The following ENTPD5 variants were observed in gnomAD, a reference collection of about 807,000 sequenced individuals.
ENTPD5 encodes the protein nucleoside diphosphate phosphatase ENTPD5.
In ENTPD5, 49 loss-of-function variants were observed where a neutral mutation model predicts 60.2. The observed-to-expected ratio is 0.81, with a 90% confidence interval of 0.65 to 1.03. ENTPD5 has a LOEUF of 1.03. ENTPD5 is among the 50% of genes least tolerant of loss of function. ENTPD5 has a pLI of 0.00. For missense variants in ENTPD5, 480 were observed against 507.6 expected, an observed-to-expected ratio of 0.95 and a Z score of 0.52; for synonymous variants, 187 against 185.4, an observed-to-expected ratio of 1.01 and a Z score of -0.07.
chr14:73,959,081 A>G, downstream of ENTPD5: 1 of 1,614,144 alleles, frequency 6.2e-7, no homozygotes, highest in African/African-American at 1.3e-5. Context: ...TATCAGAGGT[A>G]AGATCCTGAG....
intron 3 of ENTPD5, among the ~76,000 whole-genome samples, chr14:74,004,071 C>T (rs944874031): frequency 2.6e-5 from 4 of 152,144 alleles, no homozygotes; most frequent in African/African-American, 9.7e-5. Flanking sequence ...TGCCACTGCA[C>T]TCCAGCATGG....
rs552020600 is a variant in ENTPD5, at chr14:73,988,157, C to T, written c.-55G>A. On this transcript the variant is annotated 5_prime_UTR_variant, in exon 4 of 16. Coordinates refer to ENST00000334696, the MANE Select transcript of ENTPD5 (RefSeq NM_001249.5). The stretch of plus-strand genomic sequence containing the variant: ...CTTTTGTTGCAGAAGCAATCCTGCT[C>T]GCACACCTGCAGAGGCTTATAGGAC... 2.6e-5 allele frequency: 40 copies of T among 1,553,166 alleles called. No individual in the cohort carries two copies. In the East Asian group the frequency reaches 4.7e-4, roughly 18 times the overall value.
chr14:73,958,286 A>T, downstream of ENTPD5: 1 of 1,613,910 alleles, frequency 6.2e-7, no homozygotes, highest in Non-Finnish European at 8.5e-7. Flanking sequence ...TGGTAGTTGA[A>T]GATTCTTATT....
downstream of ENTPD5, chr14:73,963,213 C>T (rs774060930): frequency 2.7e-5 from 16 of 586,526 alleles, no homozygotes; most frequent in Admixed American, 9.9e-5. Context: ...GAAAAAACTT[C>T]GAAGGAAGAC....
downstream of ENTPD5, chr14:73,961,383 G>A (rs765667062): frequency 1.1e-5 from 17 of 1,614,072 alleles, no homozygotes; most frequent in Middle Eastern, 1.6e-4. Context: ...TGGGTAAGAC[G>A]ATAACAGAGC....
chr14:73,967,968 T>TA (rs2140460492), intron 15 of ENTPD5, among the ~76,000 whole-genome samples: 1 of 150,522 alleles, frequency 6.6e-6, no homozygotes, highest in South Asian at 2.1e-4. Context: ...CTACTAAAAA[T>TA]ACAAAATTAG....
chr14:73,993,824 T>A (rs1299853344), intron 3 of ENTPD5, among the ~76,000 whole-genome samples: 1 of 151,518 alleles, frequency 6.6e-6, no homozygotes, highest in Admixed American at 6.6e-5. Context: ...TTGAAAAACT[T>A]CTCCAGCTTC....
chr14:73,979,519 T>G (rs2057585029), intron 6 of ENTPD5, among the ~76,000 whole-genome samples: 1 of 150,746 alleles, frequency 6.6e-6, no homozygotes, highest in African/African-American at 2.4e-5. Flanking sequence ...TCACCCAGGC[T>G]GGAGTGCAGT....
intron 1 of ENTPD5, chr14:74,018,359 C>G (rs771325400): frequency 3.3e-5 from 5 of 151,932 alleles, no homozygotes; most frequent in Non-Finnish European, 2.9e-5. Flanking sequence ...GAAATGGTGA[C>G]GAAGGATCTA....
At chr14:73,987,674 A>G (rs1297149759) in intron 4 of ENTPD5, among the ~76,000 whole-genome samples, 1 of 152,100 alleles carries the variant, frequency 6.6e-6, no homozygotes, top group Middle Eastern at 3.4e-3. Flanking sequence ...CCTTGTCTCA[A>G]AAAAAAAGTT....
At position 73,986,815 on chromosome 14, in the gene ENTPD5, T is replaced by C; in HGVS notation, c.296A>G (p.Gln99Arg). The change falls in exon 5 of 16, where the codon CAG becomes CGG. Residue 99 changes from glutamine (Q) to arginine (R), a missense_variant and splice_region_variant. By Grantham distance (43) the Gln-to-Arg change is conservative. Coordinates refer to ENST00000334696, the MANE Select transcript of ENTPD5 (RefSeq NM_001249.5). ...AACATCAAATCATAAGAAACTCACCTGCTTAGGTTGATCTACAAAAGCAGA... is the reference window on the plus strand; with the variant it reads ...AACATCAAATCATAAGAAACTCACCCGCTTAGGTTGATCTACAAAAGCAGA... ...GLSAFVDQPK[Q>R]GAETVQGLLE... 1.2e-6 allele frequency: 2 copies of C among 1,612,396 alleles called. No individual in the cohort carries two copies. The highest frequency in any genetic ancestry group is 1.1e-5 in the South Asian group (1 of 91,020).
chr14:73,979,008 G>A (rs1348906457), intron 6 of ENTPD5, among the ~76,000 whole-genome samples: 7 of 151,942 alleles, frequency 4.6e-5, no homozygotes, highest in South Asian at 4.2e-4. Context: ...TGAGGTTACC[G>A]CCTCCTTACC....
downstream of ENTPD5, chr14:73,956,146 A>C (rs990764219): frequency 2.1e-6 from 1 of 482,582 alleles, no homozygotes; most frequent in Admixed American, 3.1e-5. Flanking sequence ...AACATGGTGA[A>C]ACCCTGTCTC....
At chr14:74,004,609 A>G (rs2058614043) in intron 3 of ENTPD5, among the ~76,000 whole-genome samples, 1 of 152,176 alleles carries the variant, frequency 6.6e-6, no homozygotes, top group Admixed American at 6.6e-5. Flanking sequence ...ACCCACCTCC[A>G]AGATGGCTCA....
downstream of ENTPD5, chr14:73,958,996 G>C: frequency 6.2e-7 from 1 of 1,614,118 alleles, no homozygotes; most frequent in Non-Finnish European, 8.5e-7. Context: ...CACAACTCCG[G>C]AGTACGGCAG....
chr14:74,003,741 C>T (rs899430655), intron 3 of ENTPD5, among the ~76,000 whole-genome samples: 7 of 151,164 alleles, frequency 4.6e-5, no homozygotes, highest in African/African-American at 7.3e-5. Context: ...AACAACCATA[C>T]GATAAATCAT....
intron 6 of ENTPD5, among the ~76,000 whole-genome samples, chr14:73,978,018 A>T (rs2057516453): frequency 6.6e-6 from 1 of 152,190 alleles, no homozygotes; most frequent in African/African-American, 2.4e-5. Flanking sequence ...AAGAAAAAAG[A>T]ATTCTCCAAA....
chr14:73,973,909 C>A lies in ENTPD5; in HGVS notation c.854G>T (p.Gly285Val), dbSNP rs527409242. The A allele has an allele frequency of 1.2e-6, 2 of 1,613,960 alleles. No homozygotes were observed. The highest frequency in any genetic ancestry group is 1.3e-5 in the African/African-American group (1 of 74,914). Residue 285 changes from glycine to valine, a missense_variant, in exon 12 of 16, where the codon GGT (glycine) becomes GTT (valine). Coordinates refer to ENST00000334696, the MANE Select transcript of ENTPD5 (RefSeq NM_001249.5). ...RWLEAEWIFG[G>V]VKYQYGGNQE... The stretch of plus-strand genomic sequence containing the variant: ...GTTGCCACCATACTGGTATTTCACA[C>A]CCCCAAAGATCCACTCTGCTTCCAA...
chr14:74,009,387 G>A (rs189054437), intron 3 of ENTPD5, among the ~76,000 whole-genome samples: 157 of 152,280 alleles, frequency 1.0e-3, no homozygotes, highest in Non-Finnish European at 1.8e-3. Flanking sequence ...TTAACTGTGG[G>A]AAGAGAATAA....
Sources: allele counts gnomAD v4.1 joint callset (sites outside exome capture counted in the v4.1 genomes callset), GRCh38; gene constraint gnomAD v4.1.1; transcripts MANE v1.5; gene names NCBI Gene and HGNC (gene_info 2026-07-23, HGNC 2026-07-21).